Variants in TIGD1 observed in about 807,000 individuals in gnomAD.
TIGD1 encodes tigger transposable element-derived protein 1.
Under a neutral mutation model 21.3 loss-of-function variants are expected in TIGD1, and 20 were observed. That is an observed-to-expected ratio of 0.94 (90% CI 0.66 to 1.36). The LOEUF (loss-of-function observed/expected upper bound fraction) is 1.36, where lower values mean the gene tolerates loss of function less well. Ranked by LOEUF, TIGD1 falls within the 40% of genes most tolerant of loss-of-function variation. The pLI is 0.00. For synonymous variants in TIGD1, 177 were observed against 123.2 expected (o/e 1.44, Z -2.89); for missense variants, 556 against 350.5 (o/e 1.59, Z -4.68).
At position 232,547,644 on chromosome 2, in the gene TIGD1, C is replaced by A. The variant is rs1262689518; in HGVS notation, c.*463G>T. ...GTTTGAAGCAAGAGCAGAGTCAGAGCTATAGAGAACTAGAGGAGTTAGGGA... is the reference window on the plus strand; with the variant it reads ...GTTTGAAGCAAGAGCAGAGTCAGAGATATAGAGAACTAGAGGAGTTAGGGA... On this transcript the variant is annotated 3_prime_UTR_variant, in exon 1 of 1. Coordinates refer to ENST00000408957, the MANE Select transcript of TIGD1 (RefSeq NM_145702.4). Among the ~76,000 whole-genome samples the A allele has an allele frequency of 1.3e-5, 2 of 152,102 alleles. No individual in the cohort carries two copies. Among genetic ancestry groups the A allele is most frequent in the African/African-American group, 2.4e-5 (1 of 41,396 alleles).
At position 232,544,333 on chromosome 2, in the gene TIGD1, G is replaced by C; in HGVS notation, c.*3774C>G. Reference sequence around the variant, plus strand: ...CCTCTGGCTTCTGCTCTGAAGCTCGGCCTGCTGCCCTAGTGAAGCCACCCC... The same window carrying C: ...CCTCTGGCTTCTGCTCTGAAGCTCGCCCTGCTGCCCTAGTGAAGCCACCCC... On this transcript the variant is annotated 3_prime_UTR_variant, in exon 1 of 1. Coordinates refer to ENST00000408957, the MANE Select transcript of TIGD1 (RefSeq NM_145702.4). 1.3e-6 allele frequency: 2 copies of C among 1,539,172 alleles called. No homozygotes were observed. Among genetic ancestry groups the C allele is most frequent in the Non-Finnish European group, 1.8e-6 (2 of 1,113,902 alleles).
At position 232,548,772 on chromosome 2, in the gene TIGD1, A is replaced by G. The variant is rs1692188238; in HGVS notation, c.1111T>C (p.Leu371=). The G allele has an allele frequency of 1.9e-6, 1 of 533,598 alleles. No homozygotes were observed. The highest frequency in any genetic ancestry group is 4.8e-5 in the East Asian group (1 of 20,656). 33.1% of individuals were successfully genotyped at this position (533,598 alleles called of 1,614,324 possible). ...DVSDGSGQSK[L]KTFWKGFTIL... is the part of the protein sequence containing the mutation. ...GTGAATCCTTTCCAGAAGGTTTTCA[A>G]TTTGCTTTGCCCAGATCCATCAGAG... Residue 371 remains leucine (L), a synonymous_variant, in exon 1 of 1, where the codon TTG becomes CTG. Transcript: ENST00000408957.
chr2:232,544,949 T>C lies in TIGD1; in HGVS notation c.*3158A>G. On this transcript the variant is annotated 3_prime_UTR_variant, in exon 1 of 1. Transcript: ENST00000408957. ...TGGAGGTGGAGTGAGTACCTGGGCT[T>C]GGAACCGTGATAGAGACAGGATGAG... 6.2e-7 allele frequency: 1 copy of C among 1,612,114 alleles called. No individual in the cohort carries two copies.
chr2:232,545,668 C>T lies in TIGD1; in HGVS notation c.*2439G>A, dbSNP rs759265096. The T allele has an allele frequency of 6.2e-7, 1 of 1,614,184 alleles. No individual in the cohort carries two copies. On this transcript the variant is annotated 3_prime_UTR_variant, in exon 1 of 1. Transcript: ENST00000408957. ...TGGCCCACTACAACCGGGTGCCGGC[C>T]CTGCCATTCCCTGGAGATCCACGCC...
At position 232,548,304 on chromosome 2, in the gene TIGD1, T is replaced by C; in HGVS notation, c.1579A>G (p.Ile527Val). Residue 527 changes from isoleucine (I) to valine (V), a missense_variant, in exon 1 of 1, where the codon ATC (isoleucine) becomes GTC (valine). Physicochemically the swap from Ile to Val is conservative, Grantham distance 29 (BLOSUM62 3). Transcript: ENST00000408957. Reference sequence around the variant, plus strand: ...TGAAAGATTTCTCTGTAGCATGCGATGCTGTTTGATAGCATTTTGCCCACA... The same window carrying C: ...TGAAAGATTTCTCTGTAGCATGCGACGCTGTTTGATAGCATTTTGCCCACA... ...STVGKMLSNS[I>V]ACYREIFHER... The C allele has an allele frequency of 6.6e-7, 1 of 1,514,212 alleles. No homozygotes were observed. Among genetic ancestry groups the C allele is most frequent in the Non-Finnish European group, 8.8e-7 (1 of 1,131,814 alleles). 93.8% of individuals were successfully genotyped at this position (1,514,212 alleles called of 1,614,324 possible).
rs1405957391 is a variant in TIGD1, at chr2:232,549,320, T to A, written c.563A>T (p.Glu188Val). ...CATCTTCTTCCAATAGAAGGCTGTTTCATCTACATTGAAAATCTGTTGTTT... is the reference window on the plus strand; with the variant it reads ...CATCTTCTTCCAATAGAAGGCTGTTACATCTACATTGAAAATCTGTTGTTT... Reference protein sequence around the residue: ...YTKQQIFNVDETAFYWKKMPS... With the variant: ...YTKQQIFNVDVTAFYWKKMPS... Residue 188 changes from glutamate to valine, a missense_variant, in exon 1 of 1, where the codon GAA (glutamate) becomes GTA (valine). Transcript: ENST00000408957. The A allele has an allele frequency of 6.0e-6, 4 of 664,870 alleles. No homozygotes were observed. The South Asian group carries it at 6.7e-5, about 11-fold the overall frequency. 41.2% of individuals were successfully genotyped at this position (664,870 alleles called of 1,614,324 possible).
rs1446829732 is a variant in TIGD1, at chr2:232,549,861, C to T, written c.22G>A (p.Glu8Lys). The change falls in exon 1 of 1, where the codon GAA (glutamate) becomes AAA (lysine). Residue 8 changes from glutamate (E) to lysine (K), a missense_variant. Coordinates refer to ENST00000408957, the MANE Select transcript of TIGD1 (RefSeq NM_145702.4). ...GTGAGAGATGTGCGACTCTTCCTTT[C>T]ACTTGAGCACTTAGAGGCCATTGCA... Reference protein sequence around the residue: MASKCSSERKSRTSLTLN... With the variant: MASKCSSKRKSRTSLTLN... 1 of 1,510,338 alleles carries T rather than the reference C, an allele frequency of 6.6e-7. No homozygotes were observed. Among genetic ancestry groups the T allele is most frequent in the Non-Finnish European group, 8.9e-7 (1 of 1,122,696 alleles). 93.6% of individuals were successfully genotyped at this position (1,510,338 alleles called of 1,614,324 possible). A position where few individuals can be genotyped will look rare whatever the true frequency, so the allele number is the denominator to read the frequency against.
At position 232,548,913 on chromosome 2, in the gene TIGD1, G is replaced by A; in HGVS notation, c.970C>T (p.Pro324Ser). The A allele has an allele frequency of 1.5e-6, 1 of 666,428 alleles. No homozygotes were observed. Among genetic ancestry groups the A allele is most frequent in the Non-Finnish European group, 2.7e-6 (1 of 364,240 alleles). The allele number at this position is 666,428 out of a possible 1,614,324, so 41.3% of individuals were successfully genotyped here. The part of the protein sequence containing the change: ...IYEEINVIFM[P>S]ANTTSILQPM... ...TGCAGAATGGATGTTGTGTTAGCAG[G>A]CATGAAAATAACATTAATCTCCTCG... Residue 324 changes from proline (P) to serine (S), a missense_variant, in exon 1 of 1, where the codon CCT becomes TCT. Coordinates refer to ENST00000408957, the MANE Select transcript of TIGD1 (RefSeq NM_145702.4).
In TIGD1 at chr2:232,548,129, C is replaced by G. The variant is rs921809968; in HGVS notation, c.1754G>C (p.Arg585Pro). The change falls in exon 1 of 1, where the codon CGA becomes CCA. Residue 585 changes from arginine (R) to proline (P), a missense_variant. By Grantham distance (103) the Arg-to-Pro change is moderately radical (BLOSUM62 -2). Coordinates refer to ENST00000408957, the MANE Select transcript of TIGD1 (RefSeq NM_145702.4). Reference sequence around the variant, plus strand: ...TTATCAATCTGAGCCTTCGGTGAGTCGTACTCTTTTTGCTGGTGGAGGGTC... The same window carrying G: ...TTATCAATCTGAGCCTTCGGTGAGTGGTACTCTTTTTGCTGGTGGAGGGTC... Reference protein sequence around the residue: ...RQDPPPAKRVRLTEGSD With the variant: ...RQDPPPAKRVPLTEGSD 4 of 889,394 alleles carry G rather than the reference C, an allele frequency of 4.5e-6. No individual in the cohort carries two copies. In the East Asian group the frequency reaches 1.1e-4, roughly 24 times the overall value. 55.1% of individuals were successfully genotyped at this position (889,394 alleles called of 1,614,324 possible).
At position 232,549,728 on chromosome 2, in the gene TIGD1, T is replaced by C. The variant is rs1274242343; in HGVS notation, c.155A>G (p.Asn52Ser). 12 of 1,059,388 alleles carry C rather than the reference T, an allele frequency of 1.1e-5. No individual in the cohort carries two copies. The highest frequency in any genetic ancestry group is 2.0e-5 in the Admixed American group (1 of 50,306). The allele number at this position is 1,059,388 out of a possible 1,614,324, so 65.6% of individuals were successfully genotyped here. The change falls in exon 1 of 1, where the codon AAT (asparagine) becomes AGT (serine). Residue 52 changes from asparagine (N) to serine (S), a missense_variant. Transcript: ENST00000408957. ...TTCCTTCAAGAACTTTTCCTTTGCA[T>C]TTACAACTTGGCTAACTGTTTGCCG... ...LLRQTVSQVV[N>S]AKEKFLKEVK...
Position 232,545,408 on chromosome 2 carries a change from T to C in TIGD1, c.*2699A>G, listed in dbSNP as rs529796860. 4.8e-4 allele frequency: 389 copies of C among 817,968 alleles called. No homozygotes were observed. The Middle Eastern group carries it at 7.1e-3, about 15-fold the overall frequency. The allele number at this position is 817,968 out of a possible 1,614,324, so 50.7% of individuals were successfully genotyped here. On this transcript the variant is annotated 3_prime_UTR_variant, in exon 1 of 1. Transcript: ENST00000408957. ...AGGGGGCCATGGAATTAGCCACCAG[T>C]TGGGACCCGGACATAGGTAAGAAGG...
In TIGD1 at chr2:232,544,405, C is replaced by G. The variant is rs761581720; in HGVS notation, c.*3702G>C. The G allele has an allele frequency of 6.2e-7, 1 of 1,613,536 alleles. No individual in the cohort carries two copies. The highest frequency in any genetic ancestry group is 2.2e-5 in the East Asian group (1 of 44,876). ...TCTTGCCCCAGCTGCTGAGGATGCA[C>G]GTTCGCCCGCTGGCCCCGGCAGCTG... On this transcript the variant is annotated 3_prime_UTR_variant, in exon 1 of 1. Coordinates refer to ENST00000408957, the MANE Select transcript of TIGD1 (RefSeq NM_145702.4).
chr2:232,548,886 G>A lies in TIGD1; in HGVS notation c.997C>T (p.Pro333Ser), dbSNP rs1479711389. The A allele has an allele frequency of 1.5e-6, 1 of 647,758 alleles. No homozygotes were observed. Among genetic ancestry groups the A allele is most frequent in the Admixed American group, 2.1e-5 (1 of 47,266 alleles). 40.1% of individuals were successfully genotyped at this position (647,758 alleles called of 1,614,324 possible). A position where few individuals can be genotyped will look rare whatever the true frequency, so the allele number is the denominator to read the frequency against. Residue 333 changes from proline (P) to serine (S), a missense_variant, in exon 1 of 1, where the codon CCC (proline) becomes TCC (serine). Physicochemically the swap from Pro to Ser is moderately conservative, Grantham distance 74. Coordinates refer to ENST00000408957, the MANE Select transcript of TIGD1 (RefSeq NM_145702.4). ...GTCGAAATTACCCCTTGATCCATGG[G>A]CTGCAGAATGGATGTTGTGTTAGCA... ...MPANTTSILQPMDQGVISTFK... is the reference protein window; with the variant it reads ...MPANTTSILQSMDQGVISTFK...
In TIGD1 at chr2:232,549,926, A is replaced by C; in HGVS notation, c.-44T>G. The C allele has an allele frequency of 2.7e-6, 3 of 1,102,362 alleles. No homozygotes were observed. The highest frequency in any genetic ancestry group is 3.8e-6 in the Non-Finnish European group (3 of 780,590). 68.3% of individuals were successfully genotyped at this position (1,102,362 alleles called of 1,614,324 possible). On this transcript the variant is annotated 5_prime_UTR_variant, in exon 1 of 1. Transcript: ENST00000408957. ...CCTAATCTCAATATTGTTGTGTCTC[A>C]GGGAATAGGGAGGCCCAAGAAGAGG...
In TIGD1 at chr2:232,544,311, C is replaced by T; in HGVS notation, c.*3796G>A. 7.3e-7 allele frequency: 1 copy of T among 1,366,010 alleles called. No homozygotes were observed. Among genetic ancestry groups the T allele is most frequent in the Non-Finnish European group, 1.0e-6 (1 of 958,274 alleles). 84.6% of individuals were successfully genotyped at this position (1,366,010 alleles called of 1,614,324 possible). A position where few individuals can be genotyped will look rare whatever the true frequency, so the allele number is the denominator to read the frequency against. On this transcript the variant is annotated 3_prime_UTR_variant, in exon 1 of 1. Coordinates refer to ENST00000408957, the MANE Select transcript of TIGD1 (RefSeq NM_145702.4). ...CAGCACAAGCCCTTCACGCCAACCT[C>T]TGGCTTCTGCTCTGAAGCTCGGCCT...
rs987241140 is a variant in TIGD1 at position 232,544,414 on chromosome 2, G to A, written c.*3693C>T. On this transcript the variant is annotated 3_prime_UTR_variant, in exon 1 of 1. Transcript: ENST00000408957. The stretch of plus-strand genomic sequence containing the variant: ...AGCTGCTGAGGATGCACGTTCGCCC[G>A]CTGGCCCCGGCAGCTGTGCAGGACA... 10 of 1,613,384 alleles carry A rather than the reference G, an allele frequency of 6.2e-6. No individual in the cohort carries two copies. Among genetic ancestry groups the A allele is most frequent in the African/African-American group, 5.3e-5 (4 of 74,926 alleles).
In TIGD1 at chr2:232,549,465, T is replaced by C. The variant is rs760345120; in HGVS notation, c.418A>G (p.Lys140Glu). 1.0e-5 allele frequency: 7 copies of C among 672,648 alleles called. No homozygotes were observed. In the South Asian group the frequency reaches 1.2e-4, roughly 11 times the overall value. 41.7% of individuals were successfully genotyped at this position (672,648 alleles called of 1,614,324 possible). A position where few individuals can be genotyped will look rare whatever the true frequency, so the allele number is the denominator to read the frequency against. ...ATGTTATGGAAATGGCTTCTTTCCT[T>C]AAACCTCATGAACCAACCTCTGCTA... ...EASRGWFMRF[K>E]ERSHFHNIKA... The change falls in exon 1 of 1, where the codon AAG (lysine) becomes GAG (glutamate). Residue 140 changes from lysine to glutamate, a missense_variant. Coordinates refer to ENST00000408957, the MANE Select transcript of TIGD1 (RefSeq NM_145702.4).
rs375422793 is a variant in TIGD1, at chr2:232,544,922, G to A, written c.*3185C>T. Reference sequence around the variant, plus strand: ...GACAATGTAAGCTGAGTCAGGGTGGGGTGGAGGTGGAGTGAGTACCTGGGC... The same window carrying A: ...GACAATGTAAGCTGAGTCAGGGTGGAGTGGAGGTGGAGTGAGTACCTGGGC... On this transcript the variant is annotated 3_prime_UTR_variant, in exon 1 of 1. Transcript: ENST00000408957. The A allele has an allele frequency of 2.7e-5, 44 of 1,613,722 alleles. No homozygotes were observed. The highest frequency in any genetic ancestry group is 3.5e-5 in the Non-Finnish European group (41 of 1,179,914).
Position 232,545,662 on chromosome 2 carries a change from G to A in TIGD1, c.*2445C>T. Reference sequence around the variant, plus strand: ...TCCTCATGGCCCACTACAACCGGGTGCCGGCCCTGCCATTCCCTGGAGATC... The same window carrying A: ...TCCTCATGGCCCACTACAACCGGGTACCGGCCCTGCCATTCCCTGGAGATC... On this transcript the variant is annotated 3_prime_UTR_variant, in exon 1 of 1. Transcript: ENST00000408957. 6.2e-7 allele frequency: 1 copy of A among 1,614,166 alleles called. No individual in the cohort carries two copies. The highest frequency in any genetic ancestry group is 1.6e-4 in the Middle Eastern group (1 of 6,062).
Sources: gnomAD v4.1 joint callset for allele counts (sites outside exome capture counted in the v4.1 genomes callset) on GRCh38, gnomAD v4.1.1 for gene constraint, MANE v1.5 for transcripts, NCBI Gene and HGNC (gene_info 2026-07-23, HGNC 2026-07-21) for gene names.